GLI3: variants seen among roughly 807,000 people sequenced by gnomAD.
The protein encoded by GLI3 is GLI family zinc finger 3, also known as transcription activator GLI3.
GLI3 carries 20 observed loss-of-function variants against 100.8 expected under a neutral mutation model. The ratio of observed to expected loss-of-function variants is 0.20; its 90% CI spans 0.14 to 0.29. GLI3 has a LOEUF of 0.29. Among genes scored for constraint, GLI3 ranks in the 10% least tolerant of loss-of-function variants. GLI3 has a pLI of 1.00. For missense variants in GLI3, 2,040 were observed against 2,128.5 expected, an observed-to-expected ratio of 0.96 and a Z score of 0.82; for synonymous variants, 938 against 860.5, an observed-to-expected ratio of 1.09 and a Z score of -1.58.
intron 2 of GLI3, among the ~76,000 whole-genome samples, chr7:42,166,142 C>G (rs898096246): frequency 1.3e-5 from 2 of 152,198 alleles, no homozygotes; most frequent in Non-Finnish European, 2.9e-5. Context: ...TCAGCCCCTT[C>G]TGTCCCATCT....
At chr7:42,090,661 G>T (rs895323845) in intron 3 of GLI3, among the ~76,000 whole-genome samples, 2 of 152,152 alleles carry the variant, frequency 1.3e-5, no homozygotes, top group African/African-American at 4.8e-5. Context: ...CTGTCCCTAA[G>T]TAAGGTCTGT....
chr7:42,073,654 C>T (rs926070243), intron 4 of GLI3, among the ~76,000 whole-genome samples: 1 of 152,120 alleles, frequency 6.6e-6, no homozygotes, highest in African/African-American at 2.4e-5. Flanking sequence ...TATAGAAGCG[C>T]CTGCCCTTCT....
chr7:42,131,093 CTGT>C (rs561457331), intron 3 of GLI3, among the ~76,000 whole-genome samples: 551 of 152,302 alleles, frequency 3.6e-3, no homozygotes, highest in Admixed American at 8.5e-3. Context: ...TCTGCCTCCA[CTGT>C]TGTTGGGAAG....
At chr7:42,122,941 G>A (rs1786037915) in intron 3 of GLI3, among the ~76,000 whole-genome samples, 1 of 152,146 alleles carries the variant, frequency 6.6e-6, no homozygotes, top group Admixed American at 6.5e-5. Flanking sequence ...TGTCCAAAAG[G>A]ATAAATCTGA....
Position 42,214,057 on chromosome 7 carries a change from C to T in GLI3, c.124+9073G>A, listed in dbSNP as rs142069938. On this transcript the variant is annotated intron_variant, in intron 2 of 14. Transcript: ENST00000395925. ...AAAAGAAGCCCGTCTCCACCCATTG[C>T]ATTCCTGGTGATTTTTCAATTGCAA... Among the ~76,000 whole-genome samples, 8 of 152,330 alleles carry T rather than the reference C, an allele frequency of 5.3e-5. No individual in the cohort carries two copies. The East Asian group carries it at 1.5e-3, about 29-fold the overall frequency.
intron 3 of GLI3, among the ~76,000 whole-genome samples, chr7:42,137,625 A>G (rs1786461038): frequency 6.6e-6 from 1 of 152,144 alleles, no homozygotes; most frequent in South Asian, 2.1e-4. Context: ...TCTCTCTAGC[A>G]CATCACCTGG....
At chr7:42,091,991 C>A (rs1012228947) in intron 3 of GLI3, among the ~76,000 whole-genome samples, 1 of 152,260 alleles carries the variant, frequency 6.6e-6, no homozygotes, top group Non-Finnish European at 1.5e-5. Flanking sequence ...GGGAACCAAG[C>A]TGGGCCTCGA....
chr7:42,145,713 T>C (rs749706147), intron 3 of GLI3: 4 of 397,064 alleles, frequency 1.0e-5, no homozygotes, highest in African/African-American at 2.1e-5. Flanking sequence ...ATATTGATGA[T>C]GATGAGGAGG....
chr7:42,208,515 G>T (rs1788200493), intron 2 of GLI3, among the ~76,000 whole-genome samples: 1 of 152,156 alleles, frequency 6.6e-6, no homozygotes, highest in Non-Finnish European at 1.5e-5. Context: ...GCCTGTAAAT[G>T]CCAATCTGAA....
At chr7:42,066,002 C>T (rs1221334205) in intron 4 of GLI3, among the ~76,000 whole-genome samples, 1 of 152,292 alleles carries the variant, frequency 6.6e-6, no homozygotes, top group Non-Finnish European at 1.5e-5. Context: ...CAGAGACCCA[C>T]AGCGGATCGA....
intron 2 of GLI3, among the ~76,000 whole-genome samples, chr7:42,213,234 A>T (rs1788305613): frequency 6.6e-6 from 1 of 152,210 alleles, no homozygotes; most frequent in Non-Finnish European, 1.5e-5. Context: ...ACTTAATAAA[A>T]CTGCCAGCTA....
chr7:42,111,606 C>T (rs1040145935), intron 3 of GLI3, among the ~76,000 whole-genome samples: 5 of 152,104 alleles, frequency 3.3e-5, no homozygotes, highest in African/African-American at 1.2e-4. Context: ...GGAGAGCAGG[C>T]CTGAGGAAGG....
intron 6 of GLI3, 30 bp from the exon 7 acceptor site, chr7:42,040,269 A>G (rs1310475202): frequency 6.0e-6 from 9 of 1,489,858 alleles, no homozygotes; most frequent in Non-Finnish European, 8.4e-6. Flanking sequence ...GAACCTAATT[A>G]CCTGCAGTTG....
At chr7:42,107,662 G>T (rs1180884814) in intron 3 of GLI3, among the ~76,000 whole-genome samples, 1 of 152,110 alleles carries the variant, frequency 6.6e-6, no homozygotes, top group Non-Finnish European at 1.5e-5. Flanking sequence ...TGGATGGGTG[G>T]GGAGTATTTC....
intron 10 of GLI3, among the ~76,000 whole-genome samples, chr7:41,980,271 A>C (rs10486730): frequency 0.049 from 7,465 of 152,286 alleles, 271 homozygotes; most frequent in African/African-American, 0.094. Flanking sequence ...GCTCCATGTC[A>C]GTGTTTCTTT....
intron 10 of GLI3, among the ~76,000 whole-genome samples, chr7:42,009,320 T>TTTTATCTTATAACAGGTCCA (rs1276871794): frequency 2.0e-5 from 3 of 152,166 alleles, no homozygotes; most frequent in African/African-American, 7.2e-5. Flanking sequence ...ATGATCACCA[T>TTTTATCTTATAACAGGTCCA]TTTATCTTAT....
At chr7:42,086,481 A>T (rs1785103975) in intron 3 of GLI3, among the ~76,000 whole-genome samples, 1 of 152,060 alleles carries the variant, frequency 6.6e-6, no homozygotes, top group Non-Finnish European at 1.5e-5. Context: ...AATGTATAGT[A>T]GCCCAAGATA....
intron 2 of GLI3, among the ~76,000 whole-genome samples, chr7:42,204,402 G>A (rs1237812482): frequency 1.3e-5 from 2 of 152,022 alleles, no homozygotes; most frequent in African/African-American, 2.4e-5. Context: ...CTATTGACAT[G>A]TGAAGGATTT....
At chr7:42,098,600 A>T (rs549495614) in intron 3 of GLI3, among the ~76,000 whole-genome samples, 22 of 152,298 alleles carry the variant, frequency 1.4e-4, no homozygotes, top group African/African-American at 4.1e-4. Flanking sequence ...TAGGAATCCA[A>T]ACCAAAATAA....
Sources: gnomAD v4.1 joint callset for allele counts (sites outside exome capture counted in the v4.1 genomes callset) on GRCh38, gnomAD v4.1.1 for gene constraint, MANE v1.5 for transcripts, NCBI Gene and HGNC (gene_info 2026-07-23, HGNC 2026-07-21) for gene names.